The following CCDC7 variants were observed in gnomAD, a reference collection of about 807,000 sequenced individuals.
The protein encoded by CCDC7 is coiled-coil domain-containing protein 7.
A neutral mutation model predicts 196.9 loss-of-function variants in CCDC7; 183 were observed. The observed-to-expected ratio is 0.93, with a 90% CI of 0.82 to 1.05. CCDC7 has a LOEUF of 1.05. Ranked by LOEUF, CCDC7 falls within the 50% of genes least tolerant of loss-of-function variation. CCDC7 has a pLI of 0.00. For synonymous variants in CCDC7, 525 were observed against 484.6 expected (o/e 1.08, Z -1.10); for missense variants, 1,540 against 1,482.2 (o/e 1.04, Z -0.64).
chr10:32,600,588 C>T (rs565305480), intron 18 of CCDC7, among the ~76,000 whole-genome samples: 20 of 152,094 alleles, frequency 1.3e-4, no homozygotes, highest in African/African-American at 3.9e-4. Context: ...TAGGACTTCC[C>T]CAACTTAATT....
At chr10:32,574,687 G>A in intron 16 of CCDC7, 1 of 277,234 alleles carries the variant, frequency 3.6e-6, no homozygotes, top group Non-Finnish European at 6.6e-6. Flanking sequence ...ATGTTTTGTG[G>A]CATTGAAATT....
intron 29 of CCDC7, 99 bp downstream of exon 30, chr10:32,779,183 G>T: frequency 1.2e-6 from 1 of 856,648 alleles, no homozygotes. Context: ...TTCAAAGAAG[G>T]AGTAGTCTTT....
chr10:32,684,450 C>G (rs1231870595), intron 21 of CCDC7, among the ~76,000 whole-genome samples: 1 of 152,158 alleles, frequency 6.6e-6, no homozygotes, highest in Admixed American at 6.5e-5. Context: ...CCCAGGGGCT[C>G]TCAAGCACTC....
rs979336674 is a variant in CCDC7 at position 32,805,107 on chromosome 10, A to T, written c.3097+9A>T. On this transcript the variant is annotated intron_variant, in intron 30 of 41. Coordinates refer to ENST00000639629, the Ensembl canonical transcript of CCDC7. ...GTCAAAGAGTTTCCCTGGTAAGAAA[A>T]TATTTTTAAGTCTAATATTTCTCAT... is the stretch of plus-strand genomic sequence containing the variant. 1.3e-6 allele frequency: 2 copies of T among 1,579,564 alleles called. No homozygotes were observed. The highest frequency in any genetic ancestry group is 2.7e-5 in the African/African-American group (2 of 74,100).
At chr10:32,571,641 C>T (rs2057570602) in intron 15 of CCDC7, among the ~76,000 whole-genome samples, 1 of 151,930 alleles carries the variant, frequency 6.6e-6, no homozygotes. Context: ...ACCTTATTTG[C>T]TCTTAATTTA....
At chr10:32,539,158 G>T (rs745852817) in intron 11 of CCDC7, among the ~76,000 whole-genome samples, 12 of 151,832 alleles carry the variant, frequency 7.9e-5, no homozygotes, top group Non-Finnish European at 1.3e-4. Flanking sequence ...TTTTTGGTAA[G>T]CTTTTTGTTA....
intron 28 of CCDC7, among the ~76,000 whole-genome samples, chr10:32,755,541 G>A (rs755651925): frequency 6.6e-6 from 1 of 152,090 alleles, no homozygotes; most frequent in Non-Finnish European, 1.5e-5. Context: ...TGAGGGTCTT[G>A]ACTGTTAGAA....
At chr10:32,729,984 C>T (rs866187322) in intron 28 of CCDC7, among the ~76,000 whole-genome samples, 27 of 151,970 alleles carry the variant, frequency 1.8e-4, no homozygotes, top group African/African-American at 5.6e-4. Flanking sequence ...TGTATATACT[C>T]TTTTTAAAAT....
upstream of CCDC7, among the ~76,000 whole-genome samples, chr10:32,444,092 G>A (rs2030469159): frequency 6.6e-6 from 1 of 151,634 alleles, no homozygotes; most frequent in African/African-American, 2.4e-5. Context: ...TCTTTTTCTT[G>A]CCTTATTGCA....
chr10:32,472,271 G>A (rs2038107640), intron 6 of CCDC7, among the ~76,000 whole-genome samples: 1 of 152,032 alleles, frequency 6.6e-6, no homozygotes, highest in Admixed American at 6.5e-5. Flanking sequence ...TGGCCTACAT[G>A]GAATTCATAT....
chr10:32,614,122 A>C (rs2062496701), intron 18 of CCDC7, among the ~76,000 whole-genome samples: 1 of 151,978 alleles, frequency 6.6e-6, no homozygotes, highest in Admixed American at 6.6e-5. Flanking sequence ...TAGGATAGTT[A>C]GCTCTTCTTG....
At position 32,507,179 on chromosome 10, in the gene CCDC7, G is replaced by A. The variant is rs575674682; in HGVS notation, c.873-10766G>A. Among the ~76,000 whole-genome samples, 15 of 152,088 alleles carry A rather than the reference G, an allele frequency of 9.9e-5. No homozygotes were observed. In the South Asian group the frequency reaches 3.1e-3, roughly 32 times the overall value. On this transcript the variant is annotated intron_variant, in intron 9 of 41. Coordinates refer to ENST00000639629, the Ensembl canonical transcript of CCDC7. ...AGCTAATTTTTGTATTTTTAGTAGA[G>A]ACGGGGTTTCACCATGTTGGCCAAG...
chr10:32,778,592 A>G (rs150134812), intron 28 of CCDC7, among the ~76,000 whole-genome samples: 1 of 152,320 alleles, frequency 6.6e-6, no homozygotes, highest in East Asian at 1.9e-4. Flanking sequence ...GCCCTGTAAT[A>G]TAGTTTCAAG....
intron 29 of CCDC7, among the ~76,000 whole-genome samples, chr10:32,782,754 A>G (rs2081261915): frequency 6.6e-6 from 1 of 152,248 alleles, no homozygotes; most frequent in Admixed American, 6.5e-5. Flanking sequence ...AAAACTTACT[A>G]TAAAGCTACA....
intron 16 of CCDC7, among the ~76,000 whole-genome samples, chr10:32,578,537 G>A (rs572782370): frequency 6.6e-6 from 1 of 151,420 alleles, no homozygotes; most frequent in South Asian, 2.1e-4. Context: ...CAGACATTAG[G>A]TTCTCGTAAG....
intron 41 of CCDC7, among the ~76,000 whole-genome samples, chr10:32,876,006 G>T (rs1043418274): frequency 1.6e-4 from 24 of 151,940 alleles, no homozygotes; most frequent in African/African-American, 4.8e-4. Context: ...CATCGCCTGG[G>T]AACTTCTAAG....
Position 32,757,671 on chromosome 10 carries a change from T to C in CCDC7, c.2906-21306T>C, listed in dbSNP as rs189366369. Among the ~76,000 whole-genome samples the C allele has an allele frequency of 9.2e-5, 14 of 152,042 alleles. No individual in the cohort carries two copies. In the East Asian group the frequency reaches 2.5e-3, roughly 27 times the overall value. On this transcript the variant is annotated intron_variant, in intron 28 of 41. Coordinates refer to ENST00000639629, the Ensembl canonical transcript of CCDC7. ...AGGAGGAAAGATCTAAAATTGACAC[T>C]CTAACATCACAATTAAAAGAACTAG... is the stretch of plus-strand genomic sequence containing the variant.
chr10:32,664,068 C>T (rs2072111075), exon 21 of CCDC7: 1 of 395,924 alleles, frequency 2.5e-6, no homozygotes, highest in African/African-American at 2.1e-5. Flanking sequence ...TAATGATGTA[C>T]CAGAAGAAAA....
At chr10:32,766,064 G>A (rs779491612) in intron 28 of CCDC7, among the ~76,000 whole-genome samples, 3 of 151,914 alleles carry the variant, frequency 2.0e-5, no homozygotes, top group African/African-American at 7.3e-5. Context: ...ATGCTGACTG[G>A]ACCTCTTGAG....
Sources: gnomAD v4.1 joint callset for allele counts (sites outside exome capture counted in the v4.1 genomes callset) on GRCh38, gnomAD v4.1.1 for gene constraint, MANE v1.5 for transcripts, NCBI Gene and HGNC (gene_info 2026-07-23, HGNC 2026-07-21) for gene names.